Variants in TMEM132D observed in about 807,000 individuals in gnomAD.
TMEM132D encodes mature OL transmembrane protein.
Under a neutral mutation model 62.3 loss-of-function variants are expected in TMEM132D, and 21 were observed. The observed-to-expected ratio is 0.34, with a 90% CI of 0.24 to 0.49. TMEM132D has a LOEUF of 0.49. Ranked by LOEUF, TMEM132D falls within the 20% of genes least tolerant of loss-of-function variation. The pLI is 0.99. For missense variants in TMEM132D, 1,346 were observed against 1,402.8 expected (o/e 0.96, Z 0.65); for synonymous variants, 621 against 575.6 (o/e 1.08, Z -1.13).
At chr12:129,289,382 A>G (rs1455190209) in intron 4 of TMEM132D, among the ~76,000 whole-genome samples, 1 of 151,892 alleles carries the variant, frequency 6.6e-6, no homozygotes, top group Non-Finnish European at 1.5e-5. Flanking sequence ...CGTCTCTACT[A>G]AAAATACAAA....
At chr12:129,090,794 T>C (rs1421487493) in intron 5 of TMEM132D, among the ~76,000 whole-genome samples, 2 of 152,228 alleles carry the variant, frequency 1.3e-5, no homozygotes, top group Non-Finnish European at 2.9e-5. Flanking sequence ...ATTCAGACAC[T>C]GGCAAAATGG....
At chr12:129,288,693 G>A (rs945152344) in intron 4 of TMEM132D, among the ~76,000 whole-genome samples, 1 of 152,188 alleles carries the variant, frequency 6.6e-6, no homozygotes, top group Non-Finnish European at 1.5e-5. Flanking sequence ...AAACGGTAAG[G>A]AGGTTCCTCA....
At chr12:129,531,286 T>C in intron 2 of TMEM132D, 81 bp from the exon 3 acceptor site, 1 of 1,462,548 alleles carries the variant, frequency 6.8e-7, no homozygotes, top group Non-Finnish European at 9.1e-7. Flanking sequence ...ACGGGGAGCT[T>C]AATTGCTCAC....
chr12:129,226,021 A>G (rs143517505), intron 4 of TMEM132D, among the ~76,000 whole-genome samples: 1 of 152,344 alleles, frequency 6.6e-6, no homozygotes, highest in East Asian at 1.9e-4. Flanking sequence ...TGCTGAAAGA[A>G]AGACGGGAAG....
At chr12:129,880,406 A>G (rs929477900) in intron 1 of TMEM132D, among the ~76,000 whole-genome samples, 3 of 152,224 alleles carry the variant, frequency 2.0e-5, no homozygotes, top group South Asian at 2.1e-4. Flanking sequence ...GCAGAAATGA[A>G]TATCTGCACA....
intron 4 of TMEM132D, among the ~76,000 whole-genome samples, chr12:129,278,644 T>C (rs756747519): frequency 1.3e-5 from 2 of 152,164 alleles, no homozygotes; most frequent in Non-Finnish European, 2.9e-5. Flanking sequence ...CCCTCCAGCA[T>C]TAAGAACTTC....
chr12:129,379,050 T>C (rs1258358321), intron 3 of TMEM132D, among the ~76,000 whole-genome samples: 3 of 152,276 alleles, frequency 2.0e-5, no homozygotes, highest in Middle Eastern at 3.4e-3. Flanking sequence ...AACCTGATTA[T>C]GGGTAATAAA....
chr12:129,204,825 C>T (rs1053888427), intron 5 of TMEM132D, among the ~76,000 whole-genome samples: 11 of 152,176 alleles, frequency 7.2e-5, no homozygotes, highest in South Asian at 6.2e-4. Flanking sequence ...TAACAGTGGA[C>T]CTTTCAGCAG....
At chr12:129,445,699 CT>C (rs756880087) in intron 3 of TMEM132D, among the ~76,000 whole-genome samples, 2 of 152,134 alleles carry the variant, frequency 1.3e-5, no homozygotes, top group Non-Finnish European at 2.9e-5. Flanking sequence ...ACTTCTGTCA[CT>C]TCCATCTTAA....
chr12:129,099,643 G>A lies in TMEM132D; in HGVS notation c.1444-14941C>T, dbSNP rs116005962. Among the ~76,000 whole-genome samples the A allele has an allele frequency of 5.3e-3, 810 of 152,264 alleles. 8 individuals carry two copies. The highest frequency in any genetic ancestry group is 0.019 in the African/African-American group (772 of 41,542). On this transcript the variant is annotated intron_variant, in intron 5 of 8. Coordinates refer to ENST00000422113, the MANE Select transcript of TMEM132D (RefSeq NM_133448.3). ...CATCAGCACAGTTCCACCTCCAGAC[G>A]GCTCTATGCAGTCTGCAGGAAAATG...
At chr12:129,245,528 C>G (rs769658357) in intron 4 of TMEM132D, among the ~76,000 whole-genome samples, 104 of 151,844 alleles carry the variant, frequency 6.8e-4, no homozygotes, top group Non-Finnish European at 9.4e-4. Flanking sequence ...CTGTGTGCAG[C>G]CAATATTCTT....
At chr12:129,572,047 C>A (rs114085883) in intron 2 of TMEM132D, among the ~76,000 whole-genome samples, 3 of 152,160 alleles carry the variant, frequency 2.0e-5, no homozygotes, top group Admixed American at 6.5e-5. Context: ...CAGGTACTCA[C>A]CCTGCAGGAA....
chr12:129,181,466 A>C (rs759100194), intron 5 of TMEM132D, among the ~76,000 whole-genome samples: 4 of 152,202 alleles, frequency 2.6e-5, no homozygotes, highest in Non-Finnish European at 5.9e-5. Flanking sequence ...GAAACTCTGA[A>C]CATGTCATTC....
At chr12:129,478,327 A>T (rs890472294) in intron 3 of TMEM132D, among the ~76,000 whole-genome samples, 10 of 152,312 alleles carry the variant, frequency 6.6e-5, no homozygotes, top group African/African-American at 1.9e-4. Context: ...TTTATATTTT[A>T]AAAAAGTAAT....
At chr12:129,811,269 T>A (rs1872169808) in intron 1 of TMEM132D, among the ~76,000 whole-genome samples, 1 of 151,356 alleles carries the variant, frequency 6.6e-6, no homozygotes, top group Admixed American at 6.6e-5. Flanking sequence ...ACTTAGTGAG[T>A]GTCAGGGATG....
intron 1 of TMEM132D, among the ~76,000 whole-genome samples, chr12:129,739,995 G>A (rs115367916): frequency 0.014 from 2,092 of 152,120 alleles, 52 homozygotes; most frequent in African/African-American, 0.046. Context: ...TGTTGTGGCC[G>A]AAACCATGTT....
At chr12:129,295,237 A>G (rs189921740) in intron 4 of TMEM132D, among the ~76,000 whole-genome samples, 22 of 151,158 alleles carry the variant, frequency 1.5e-4, no homozygotes, top group South Asian at 2.1e-4. Context: ...CTGGCTAGAC[A>G]CTACGGAACA....
At chr12:129,768,251 G>A (rs900594086) in intron 1 of TMEM132D, among the ~76,000 whole-genome samples, 20 of 152,068 alleles carry the variant, frequency 1.3e-4, no homozygotes, top group African/African-American at 4.6e-4. Flanking sequence ...AGAATTGCTA[G>A]ATCATATATT....
rs139682142 is a variant in TMEM132D, at chr12:129,684,581, A to C, written c.968+15229T>G. On this transcript the variant is annotated intron_variant, in intron 2 of 8. Coordinates refer to ENST00000422113, the MANE Select transcript of TMEM132D (RefSeq NM_133448.3). ...GGTGCTGCTATAAAGATATCTGAAA[A>C]TGTGGAAGCTACTTTGCATCTGGGT... Among the ~76,000 whole-genome samples the C allele has an allele frequency of 6.7e-3, 1,017 of 152,176 alleles. 15 individuals carry two copies. Among genetic ancestry groups the C allele is most frequent in the African/African-American group, 0.023 (963 of 41,518 alleles).
Sources: allele counts gnomAD v4.1 joint callset (sites outside exome capture counted in the v4.1 genomes callset), GRCh38; gene constraint gnomAD v4.1.1; transcripts MANE v1.5; gene names NCBI Gene and HGNC (gene_info 2026-07-23, HGNC 2026-07-21).